KLHL20: variants seen among roughly 807,000 people sequenced by gnomAD.
The protein encoded by KLHL20 is kelch like family member 20, also known as kelch-like protein 20.
A neutral mutation model predicts 69.5 loss-of-function variants in KLHL20; 29 were observed. That is an observed-to-expected ratio of 0.42 (90% CI 0.31 to 0.57). The LOEUF is 0.57. Among genes scored for constraint, KLHL20 ranks in the 20% least tolerant of loss-of-function variants. The probability of loss-of-function intolerance (pLI) is 0.18; values close to 1 mark genes in which losing one functional copy is unlikely to be tolerated. For synonymous variants in KLHL20, 253 were observed against 265.2 expected (o/e 0.95, Z 0.45); for missense variants, 419 against 776.0 (o/e 0.54, Z 5.47).
chr1:173,757,518 G>A (rs1673602224), intron 7 of KLHL20, among the ~76,000 whole-genome samples: 1 of 151,206 alleles, frequency 6.6e-6, no homozygotes, highest in South Asian at 2.1e-4. Flanking sequence ...CATTTCCTTT[G>A]GCCAGGTGCA....
At chr1:173,739,040 G>T (rs1442256861) in intron 3 of KLHL20, among the ~76,000 whole-genome samples, 2 of 151,848 alleles carry the variant, frequency 1.3e-5, no homozygotes, top group Admixed American at 6.6e-5. Flanking sequence ...CTCTTTCTCT[G>T]TCTTTTGGAA....
At position 173,756,129 on chromosome 1, in the gene KLHL20, A is replaced by G. The variant is rs370435647; in HGVS notation, c.967+91A>G. The G allele has an allele frequency of 8.0e-6, 7 of 877,484 alleles. No homozygotes were observed. In the East Asian group the frequency reaches 1.8e-4, roughly 23 times the overall value. 54.4% of individuals were successfully genotyped at this position (877,484 alleles called of 1,614,324 possible). A position where few individuals can be genotyped will look rare whatever the true frequency, so the allele number is the denominator to read the frequency against. On this transcript the variant is annotated intron_variant, in intron 6 of 11. Coordinates refer to ENST00000209884, the MANE Select transcript of KLHL20 (RefSeq NM_014458.4). ...AATCCTTTGGACAATTATGATATTT[A>G]CTGTCATAAGACACAAATAATAAGT...
chr1:173,751,675 A>G, intron 3 of KLHL20, 89 bp from the exon 4 acceptor site: 1 of 1,290,786 alleles, frequency 7.7e-7, no homozygotes, highest in Non-Finnish European at 1.1e-6. Flanking sequence ...ATTGTAGAAT[A>G]CAGCTTTGTC....
intron 3 of KLHL20, among the ~76,000 whole-genome samples, chr1:173,750,089 T>C (rs1673234895): frequency 6.6e-6 from 1 of 152,200 alleles, no homozygotes; most frequent in Admixed American, 6.5e-5. Context: ...GCAACCATTC[T>C]AATTACTAAA....
At chr1:173,769,264 A>AG (rs1386213613) in intron 8 of KLHL20, among the ~76,000 whole-genome samples, 1 of 152,090 alleles carries the variant, frequency 6.6e-6, no homozygotes, top group African/African-American at 2.4e-5. Flanking sequence ...GATGTTACTT[A>AG]GGGGATGAGA....
At chr1:173,782,572 C>G (rs1310340559) in intron 11 of KLHL20, among the ~76,000 whole-genome samples, 1 of 151,816 alleles carries the variant, frequency 6.6e-6, no homozygotes, top group Non-Finnish European at 1.5e-5. Flanking sequence ...GAATTAGAAC[C>G]TAGGTCTTTG....
chr1:173,727,587 G>A (rs1294342630), intron 2 of KLHL20, among the ~76,000 whole-genome samples: 1 of 152,164 alleles, frequency 6.6e-6, no homozygotes, highest in South Asian at 2.1e-4. Flanking sequence ...GACAGTGGGG[G>A]CCAATATTCA....
intron 9 of KLHL20, among the ~76,000 whole-genome samples, chr1:173,775,218 C>T (rs550679253): frequency 1.9e-3 from 288 of 152,296 alleles, no homozygotes; most frequent in Middle Eastern, 3.4e-3. Flanking sequence ...TCTTCAGAAG[C>T]TTAAAATGCA....
chr1:173,728,911 C>T (rs1260272568), intron 2 of KLHL20, among the ~76,000 whole-genome samples: 1 of 152,078 alleles, frequency 6.6e-6, no homozygotes, highest in Non-Finnish European at 1.5e-5. Flanking sequence ...GATGCAAAAA[C>T]CCCTTCAAAA....
chr1:173,756,128 T>G, intron 6 of KLHL20, 90 bp downstream of exon 6: 1 of 879,348 alleles, frequency 1.1e-6, no homozygotes, highest in Non-Finnish European at 1.8e-6. Context: ...TTATGATATT[T>G]ACTGTCATAA....
intron 2 of KLHL20, among the ~76,000 whole-genome samples, chr1:173,720,313 G>T (rs1355812084): frequency 6.6e-6 from 1 of 151,158 alleles, no homozygotes; most frequent in African/African-American, 2.4e-5. Flanking sequence ...ACCATAAAAG[G>T]AAGGAACAGC....
chr1:173,779,450 A>G (rs910865367), intron 10 of KLHL20, among the ~76,000 whole-genome samples: 2 of 151,120 alleles, frequency 1.3e-5, no homozygotes, highest in South Asian at 4.2e-4. Context: ...TCCCAGGTTC[A>G]AGCAATTCTC....
In KLHL20 at chr1:173,785,143, TTA is replaced by T. The variant is rs879176541; in HGVS notation, c.1746-18_1746-17del. ...CATATTTTCCAGTTAGAAAATATGATTATGTTTCTTTCTTTGCAGGTTATATG... is the reference window on the plus strand; with the variant it reads ...CATATTTTCCAGTTAGAAAATATGATTGTTTCTTTCTTTGCAGGTTATATG... On this transcript the variant is annotated intron_variant, in intron 11 of 11. Transcript: ENST00000209884. 23 of 1,597,956 alleles carry T rather than the reference TTA, an allele frequency of 1.4e-5. No homozygotes were observed. Among genetic ancestry groups the T allele is most frequent in the Non-Finnish European group, 1.9e-5 (22 of 1,168,086 alleles).
intron 6 of KLHL20, 66 bp from the exon 7 acceptor site, chr1:173,756,909 TA>T: frequency 6.8e-7 from 1 of 1,460,770 alleles, no homozygotes; most frequent in Non-Finnish European, 9.4e-7. Flanking sequence ...ACAGTGAAGT[TA>T]GTAGTGAGTG....
intron 3 of KLHL20, chr1:173,741,834 G>A: frequency 6.3e-7 from 1 of 1,586,834 alleles, no homozygotes; most frequent in Non-Finnish European, 8.5e-7. Context: ...ACAAACTGTA[G>A]TTTTGTGTGT....
At chr1:173,737,651 A>T (rs529860558) in intron 3 of KLHL20, among the ~76,000 whole-genome samples, 1 of 152,258 alleles carries the variant, frequency 6.6e-6, no homozygotes, top group South Asian at 2.1e-4. Context: ...AAATTAGGTA[A>T]TGTGATGCCT....
chr1:173,778,664 A>G (rs1403482171), intron 10 of KLHL20, among the ~76,000 whole-genome samples: 2 of 152,050 alleles, frequency 1.3e-5, no homozygotes, highest in African/African-American at 4.8e-5. Context: ...GGTCCGTTCA[A>G]GTTTTAGATT....
At chr1:173,782,660 T>C (rs912162948) in intron 11 of KLHL20, among the ~76,000 whole-genome samples, 1 of 152,190 alleles carries the variant, frequency 6.6e-6, no homozygotes, top group Non-Finnish European at 1.5e-5. Flanking sequence ...GCAATTACTT[T>C]TGAAAAATTA....
At chr1:173,756,933 C>T (rs1364822245) in intron 6 of KLHL20, 43 bp from the exon 7 acceptor site, 4 of 1,577,484 alleles carry the variant, frequency 2.5e-6, no homozygotes, top group Non-Finnish European at 1.7e-6. Context: ...ACATTTTATG[C>T]TTCAGGATAG....
Sources: allele counts gnomAD v4.1 joint callset (sites outside exome capture counted in the v4.1 genomes callset), GRCh38; gene constraint gnomAD v4.1.1; transcripts MANE v1.5; gene names NCBI Gene and HGNC (gene_info 2026-07-23, HGNC 2026-07-21).